Variants in FOXP2 observed in about 807,000 individuals in gnomAD.
The protein encoded by FOXP2 is forkhead box P2, also known as forkhead box protein P2.
A neutral mutation model predicts 115.8 loss-of-function variants in FOXP2; 12 were observed. The ratio of observed to expected loss-of-function variants is 0.10; its 90% CI spans 0.07 to 0.17. The LOEUF is 0.17. FOXP2 is among the 10% of genes least tolerant of loss of function. FOXP2 has a pLI of 1.00. For missense variants in FOXP2, 629 were observed against 843.5 expected (o/e 0.75, Z 3.15); for synonymous variants, 328 against 297.7 (o/e 1.10, Z -1.05).
intron 2 of FOXP2, among the ~76,000 whole-genome samples, chr7:114,497,468 C>A (rs1165336532): frequency 6.6e-6 from 1 of 151,790 alleles, no homozygotes; most frequent in Non-Finnish European, 1.5e-5. Flanking sequence ...GCCAACATGG[C>A]AAAAACCCAT....
chr7:114,164,575 T>G (rs969113632), intron 1 of FOXP2, among the ~76,000 whole-genome samples: 30 of 151,956 alleles, frequency 2.0e-4, no homozygotes, highest in Non-Finnish European at 4.0e-4. Context: ...TTCTTGACCT[T>G]GTGATCCGCC....
At chr7:114,549,891 A>G (rs1251656679) in intron 3 of FOXP2, among the ~76,000 whole-genome samples, 2 of 152,168 alleles carry the variant, frequency 1.3e-5, no homozygotes, top group Non-Finnish European at 2.9e-5. Context: ...TCTCTGTAGC[A>G]AAACTGTTAT....
intron 1 of FOXP2, among the ~76,000 whole-genome samples, chr7:114,185,089 CT>C (rs1793557628): frequency 6.6e-6 from 1 of 152,120 alleles, no homozygotes; most frequent in East Asian, 1.9e-4. Context: ...ATAATTTCCC[CT>C]AAAACATTCC....
intron 7 of FOXP2, among the ~76,000 whole-genome samples, 189 bp downstream of exon 7, chr7:114,642,812 ATT>A (rs869136743): frequency 1.5e-3 from 110 of 72,412 alleles, no homozygotes; most frequent in African/African-American, 6.9e-3. Context: ...ATATATATAT[ATT>A]TTTTTTTTTT....
intron 2 of FOXP2, among the ~76,000 whole-genome samples, chr7:114,512,434 G>A (rs563821727): frequency 5.6e-4 from 85 of 152,256 alleles, no homozygotes; most frequent in Middle Eastern, 3.4e-3. Flanking sequence ...ACAGAGTAAT[G>A]TCTGGATCCT....
intron 2 of FOXP2, among the ~76,000 whole-genome samples, chr7:114,321,063 G>T (rs2129181421): frequency 6.6e-6 from 1 of 152,264 alleles, no homozygotes. Context: ...CCATATTTGT[G>T]TGGCAAAAGG....
intron 2 of FOXP2, among the ~76,000 whole-genome samples, chr7:114,379,541 C>T (rs1459430155): frequency 1.3e-5 from 2 of 152,002 alleles, no homozygotes; most frequent in Non-Finnish European, 2.9e-5. Context: ...GGAGGGGTGC[C>T]TTCGACATCA....
intron 3 of FOXP2, among the ~76,000 whole-genome samples, chr7:114,606,680 A>G (rs955078610): frequency 1.3e-5 from 2 of 152,194 alleles, no homozygotes; most frequent in Admixed American, 6.5e-5. Context: ...CTATGGTAAC[A>G]TAATGTTTTG....
At chr7:114,223,775 T>C (rs1232709902) in intron 1 of FOXP2, among the ~76,000 whole-genome samples, 8 of 151,526 alleles carry the variant, frequency 5.3e-5, no homozygotes, top group Non-Finnish European at 1.2e-4. Flanking sequence ...TGAACCTAGC[T>C]CTTTTTTACT....
At chr7:114,650,829 T>C (rs893898116) in intron 8 of FOXP2, among the ~76,000 whole-genome samples, 1 of 152,010 alleles carries the variant, frequency 6.6e-6, no homozygotes, top group African/African-American at 2.4e-5. Flanking sequence ...AAGACTGACA[T>C]TGTGACAAGA....
chr7:114,288,741 A>AT (rs1796523488), intron 2 of FOXP2, among the ~76,000 whole-genome samples: 1 of 151,934 alleles, frequency 6.6e-6, no homozygotes, highest in African/African-American at 2.4e-5. Flanking sequence ...GTAAAATTGG[A>AT]TTTTCAGTTT....
intron 2 of FOXP2, among the ~76,000 whole-genome samples, chr7:114,372,897 T>C (rs558357293): frequency 3.3e-5 from 5 of 152,334 alleles, no homozygotes; most frequent in Admixed American, 2.6e-4. Flanking sequence ...CTCTTTCCTT[T>C]AAGCTCCTAT....
chr7:114,573,722 C>T (rs1801434080), intron 3 of FOXP2, among the ~76,000 whole-genome samples: 1 of 151,672 alleles, frequency 6.6e-6, no homozygotes, highest in Non-Finnish European at 1.5e-5. Context: ...TTTTACTCTT[C>T]CTATCACACC....
chr7:114,110,375 G>C (rs1791237951), intron 1 of FOXP2, among the ~76,000 whole-genome samples: 1 of 152,092 alleles, frequency 6.6e-6, no homozygotes, highest in Admixed American at 6.6e-5. Context: ...GTATAGCCAT[G>C]TTTCAAAAAG....
chr7:114,419,695 G>A (rs1793525017), intron 1 of FOXP2: 1 of 148,128 alleles, frequency 6.8e-6, no homozygotes, highest in Non-Finnish European at 1.5e-5. Flanking sequence ...TCTGTGACAG[G>A]TCGCTTACAT....
At chr7:114,659,987 T>G (rs1806781531) in intron 13 of FOXP2, among the ~76,000 whole-genome samples, 1 of 152,184 alleles carries the variant, frequency 6.6e-6, no homozygotes, top group Non-Finnish European at 1.5e-5. Flanking sequence ...TTCTCTTGCA[T>G]ATTATTGGCT....
At chr7:114,203,024 A>T (rs1281056533) in intron 1 of FOXP2, among the ~76,000 whole-genome samples, 2 of 152,226 alleles carry the variant, frequency 1.3e-5, no homozygotes. Context: ...AAATAAAAAT[A>T]AAGACATGAT....
chr7:114,557,951 G>A (rs1157993948), intron 3 of FOXP2, among the ~76,000 whole-genome samples: 1 of 151,956 alleles, frequency 6.6e-6, no homozygotes, highest in East Asian at 1.9e-4. Flanking sequence ...TGGGATTACA[G>A]GTGCCCACCA....
At chr7:114,672,429 A>G (rs1266191530) in intron 16 of FOXP2, among the ~76,000 whole-genome samples, 1 of 152,094 alleles carries the variant, frequency 6.6e-6, no homozygotes, top group Non-Finnish European at 1.5e-5. Context: ...TACTAAAAAT[A>G]CAAAAATTAG....
Sources: gnomAD v4.1 joint callset for allele counts (sites outside exome capture counted in the v4.1 genomes callset) on GRCh38, gnomAD v4.1.1 for gene constraint, MANE v1.5 for transcripts, NCBI Gene and HGNC (gene_info 2026-07-23, HGNC 2026-07-21) for gene names.